The following CACNA1E variants were observed in gnomAD, a reference collection of about 807,000 sequenced individuals.
CACNA1E encodes calcium voltage-gated channel subunit alpha1 E.
A neutral mutation model predicts 259.2 loss-of-function variants in CACNA1E; 40 were observed. The ratio of observed to expected loss-of-function variants is 0.15; its 90% CI spans 0.12 to 0.20. CACNA1E has a LOEUF of 0.20. Among genes scored for constraint, CACNA1E ranks in the 10% least tolerant of loss-of-function variants. The pLI is 1.00. For missense variants in CACNA1E, 1,874 were observed against 3,040.1 expected, an observed-to-expected ratio of 0.62 and a Z score of 9.02; for synonymous variants, 1,104 against 1,138.5, an observed-to-expected ratio of 0.97 and a Z score of 0.61.
intron 7 of CACNA1E, among the ~76,000 whole-genome samples, chr1:181,686,396 C>T (rs1203738281): frequency 6.9e-6 from 1 of 145,982 alleles, no homozygotes; most frequent in Non-Finnish European, 1.5e-5. Context: ...AAGCGATTCT[C>T]CTGCCTCAGC....
intron 7 of CACNA1E, among the ~76,000 whole-genome samples, chr1:181,703,196 A>T (rs920248207): frequency 1.3e-5 from 2 of 152,232 alleles, no homozygotes; most frequent in African/African-American, 4.8e-5. Flanking sequence ...TATAAAATAA[A>T]GGCCTTGATA....
At position 181,414,602 on chromosome 1, in the gene CACNA1E, T is replaced by C. The variant is rs574457214; in HGVS notation, c.434+1022T>C. Among the ~76,000 whole-genome samples the C allele has an allele frequency of 7.2e-5, 11 of 152,318 alleles. No homozygotes were observed. The South Asian group carries it at 2.1e-3, about 29-fold the overall frequency. On this transcript the variant is annotated intron_variant, in intron 2 of 11. Transcript: ENST00000524607. ...TTGGTTGTTCATCTCTCAGCACTAT[T>C]AGTATTTAGAGCCTTGCATACCTGT...
intron 1 of CACNA1E, among the ~76,000 whole-genome samples, chr1:181,379,833 G>C (rs1297142277): frequency 6.6e-6 from 1 of 151,898 alleles, no homozygotes; most frequent in Non-Finnish European, 1.5e-5. Flanking sequence ...AATCTTAAAA[G>C]CCGCCAGAGA....
chr1:181,691,259 C>T (rs1055604275), intron 7 of CACNA1E, among the ~76,000 whole-genome samples: 2 of 151,400 alleles, frequency 1.3e-5, no homozygotes, highest in African/African-American at 4.9e-5. Context: ...TTGTAGTTTT[C>T]CTTATGTAGA....
intron 3 of CACNA1E, among the ~76,000 whole-genome samples, chr1:181,558,413 G>A (rs1306786495): frequency 6.6e-6 from 1 of 152,230 alleles, no homozygotes; most frequent in African/African-American, 2.4e-5. Context: ...TTTGCCCTCA[G>A]AGAACTCAGT....
At chr1:181,574,443 G>T (rs1381235039) in intron 3 of CACNA1E, among the ~76,000 whole-genome samples, 1 of 152,116 alleles carries the variant, frequency 6.6e-6, no homozygotes, top group Non-Finnish European at 1.5e-5. Context: ...TTTCCTTGAT[G>T]TTCTCTCCTT....
chr1:181,642,158 A>G (rs1657849263), intron 6 of CACNA1E, among the ~76,000 whole-genome samples: 2 of 151,968 alleles, frequency 1.3e-5, no homozygotes, highest in African/African-American at 4.8e-5. Flanking sequence ...TCCGTACCCA[A>G]TAAGTGGAGT....
chr1:181,530,568 T>C (rs1370246358), intron 3 of CACNA1E, among the ~76,000 whole-genome samples: 2 of 152,174 alleles, frequency 1.3e-5, no homozygotes, highest in East Asian at 3.8e-4. Flanking sequence ...ACTGCAGCAC[T>C]AGTTGTTTTA....
intron 6 of CACNA1E, among the ~76,000 whole-genome samples, chr1:181,637,163 A>C (rs1405362443): frequency 2.6e-5 from 4 of 152,218 alleles, no homozygotes; most frequent in African/African-American, 4.8e-5. Flanking sequence ...GAGAAAGCAG[A>C]ATCTACCAGT....
rs1439149173 is a variant in CACNA1E, at chr1:181,413,335, G to GGGCATGCTGCCGGCTTCCC, written c.190_208dup (p.Pro70ArgfsTer158). ...TCGAGGCCGACGCCTCGGACGAGGT[G>GGGCATGCTGCCGGCTTCCC]GGCATGCTGCCGGCTTCCCCGCGCG... On this transcript the variant is annotated frameshift_variant, in exon 2 of 12. Transcript: ENST00000524607. LOFTEE classifies it high-confidence loss of function. The GGGCATGCTGCCGGCTTCCC allele has an allele frequency of 6.6e-6, 1 of 152,530 alleles. No individual in the cohort carries two copies. The highest frequency in any genetic ancestry group is 1.5e-5 in the Non-Finnish European group (1 of 68,230). The allele number at this position is 152,530 out of a possible 1,614,324, so 9.4% of individuals were successfully genotyped here.
chr1:181,480,965 C>T (rs1375465774), upstream of CACNA1E, among the ~76,000 whole-genome samples: 1 of 152,076 alleles, frequency 6.6e-6, no homozygotes, highest in Non-Finnish European at 1.5e-5. Flanking sequence ...CTGAAAGGAG[C>T]GACATACACT....
At chr1:181,730,692 C>T (rs767631007) in intron 18 of CACNA1E, among the ~76,000 whole-genome samples, 8 of 152,178 alleles carry the variant, frequency 5.3e-5, no homozygotes, top group Admixed American at 1.3e-4. Context: ...GCACTTGCTC[C>T]GCTGCATGTT....
chr1:181,383,102 C>A (rs1042739851), intron 1 of CACNA1E, among the ~76,000 whole-genome samples: 4 of 152,212 alleles, frequency 2.6e-5, no homozygotes, highest in Non-Finnish European at 4.4e-5. Flanking sequence ...TTAATGGGAT[C>A]TTTCTCTGCT....
chr1:181,690,356 C>T (rs941075576), intron 7 of CACNA1E, among the ~76,000 whole-genome samples: 1 of 152,124 alleles, frequency 6.6e-6, no homozygotes, highest in African/African-American at 2.4e-5. Context: ...GGTACCAGTA[C>T]CATGCTGTTT....
chr1:181,430,998 C>T (rs1008119354), intron 2 of CACNA1E, among the ~76,000 whole-genome samples: 8 of 151,942 alleles, frequency 5.3e-5, no homozygotes, highest in Non-Finnish European at 8.8e-5. Context: ...ATGCATAACA[C>T]CAGGAACAAA....
chr1:181,747,067 C>T (rs1298677670), intron 25 of CACNA1E, among the ~76,000 whole-genome samples: 1 of 152,236 alleles, frequency 6.6e-6, no homozygotes, highest in Admixed American at 6.5e-5. Flanking sequence ...AGTCCAGACA[C>T]ATTAGTGAGA....
At chr1:181,650,283 A>G (rs553399042) in intron 6 of CACNA1E, among the ~76,000 whole-genome samples, 52 of 152,314 alleles carry the variant, frequency 3.4e-4, no homozygotes, top group African/African-American at 1.0e-3. Flanking sequence ...TAATTTTACT[A>G]ATTTAGCTTG....
At chr1:181,423,588 A>C (rs2102203703) in intron 2 of CACNA1E, among the ~76,000 whole-genome samples, 1 of 152,232 alleles carries the variant, frequency 6.6e-6, no homozygotes, top group East Asian at 1.9e-4. Context: ...ATTCAGCATC[A>C]GCAACATATT....
chr1:181,414,589 C>A (rs1658122997), intron 2 of CACNA1E, among the ~76,000 whole-genome samples: 1 of 152,190 alleles, frequency 6.6e-6, no homozygotes, highest in African/African-American at 2.4e-5. Flanking sequence ...GGTTGTTCAT[C>A]TCTCAGCACT....
Sources: allele counts gnomAD v4.1 joint callset (sites outside exome capture counted in the v4.1 genomes callset), GRCh38; gene constraint gnomAD v4.1.1; transcripts MANE v1.5; gene names NCBI Gene and HGNC (gene_info 2026-07-23, HGNC 2026-07-21).